The following CNTNAP4 variants were observed in gnomAD, a reference collection of about 807,000 sequenced individuals.
The protein encoded by CNTNAP4 is contactin-associated protein-like 4.
Under a neutral mutation model 148.4 loss-of-function variants are expected in CNTNAP4, and 98 were observed. That is an observed-to-expected ratio of 0.66 (90% CI 0.56 to 0.78). CNTNAP4 has a LOEUF of 0.78. Ranked by LOEUF, CNTNAP4 falls within the 30% of genes least tolerant of loss-of-function variation. CNTNAP4 has a pLI of 0.00. For synonymous variants in CNTNAP4, 730 were observed against 565.1 expected (o/e 1.29, Z -4.14); for missense variants, 1,935 against 1,565.6 (o/e 1.24, Z -3.98).
intron 14 of CNTNAP4, among the ~76,000 whole-genome samples, chr16:76,496,920 A>G (rs1195737944): frequency 3.3e-5 from 5 of 152,182 alleles, no homozygotes. Context: ...TTGAAGACTT[A>G]AAGGTAAAAA....
intron 3 of CNTNAP4, among the ~76,000 whole-genome samples, chr16:76,357,540 TCTG>T (rs1269204208): frequency 2.0e-5 from 3 of 152,214 alleles, no homozygotes; most frequent in African/African-American, 7.2e-5. Flanking sequence ...CTTTCTAGAC[TCTG>T]CTGTAATTTG....
chr16:76,547,828 GA>G (rs1394949884), intron 21 of CNTNAP4, among the ~76,000 whole-genome samples: 2 of 152,230 alleles, frequency 1.3e-5, no homozygotes, highest in Non-Finnish European at 2.9e-5. Context: ...TGTGGTCTGA[GA>G]GAAGAGGATG....
intron 15 of CNTNAP4, among the ~76,000 whole-genome samples, chr16:76,503,237 A>G (rs918844996): frequency 1.3e-5 from 2 of 152,146 alleles, no homozygotes; most frequent in Non-Finnish European, 2.9e-5. Context: ...CTCCTATTCA[A>G]TCTATTACTC....
intron 21 of CNTNAP4, among the ~76,000 whole-genome samples, chr16:76,543,051 A>G (rs1217166730): frequency 6.6e-6 from 1 of 152,220 alleles, no homozygotes; most frequent in Non-Finnish European, 1.5e-5. Flanking sequence ...GGAGATTCCT[A>G]TAGAATTAAA....
At chr16:76,369,355 C>G (rs1011276251) in intron 3 of CNTNAP4, among the ~76,000 whole-genome samples, 3 of 152,172 alleles carry the variant, frequency 2.0e-5, no homozygotes, top group Non-Finnish European at 4.4e-5. Flanking sequence ...ACAGGGTTTT[C>G]CAGAGAAATG....
intron 21 of CNTNAP4, among the ~76,000 whole-genome samples, chr16:76,546,238 A>G (rs1025483736): frequency 3.3e-5 from 5 of 152,148 alleles, no homozygotes; most frequent in African/African-American, 1.2e-4. Context: ...ACAAGGAGAT[A>G]CTGCAAGATC....
rs139153649 is a variant in CNTNAP4 at position 76,376,632 on chromosome 16, C to G, written c.390+21121C>G. On this transcript the variant is annotated intron_variant, in intron 3 of 23. Coordinates refer to ENST00000611870, the MANE Select transcript of CNTNAP4 (RefSeq NM_033401.5). Reference sequence around the variant, plus strand: ...TGGCCAAAGGGCATGAACAGGTCACCTGTGCAGACTGTGATATGGCCTTCT... The same window carrying G: ...TGGCCAAAGGGCATGAACAGGTCACGTGTGCAGACTGTGATATGGCCTTCT... Among the ~76,000 whole-genome samples the G allele has an allele frequency of 2.7e-3, 410 of 152,330 alleles. 1 individual carries two copies. The highest frequency in any genetic ancestry group is 9.5e-3 in the African/African-American group (397 of 41,584).
At chr16:76,369,677 A>G (rs1015213493) in intron 3 of CNTNAP4, among the ~76,000 whole-genome samples, 2 of 152,158 alleles carry the variant, frequency 1.3e-5, no homozygotes, top group Non-Finnish European at 2.9e-5. Context: ...CTCCATCTCT[A>G]CAGAAAACAC....
At chr16:76,442,432 GT>G (rs1438889312) in intron 4 of CNTNAP4, among the ~76,000 whole-genome samples, 3 of 152,062 alleles carry the variant, frequency 2.0e-5, no homozygotes, top group Admixed American at 6.6e-5. Flanking sequence ...ATCCTTTTAT[GT>G]TGCTATAACA....
At chr16:76,345,457 T>C (rs1229256114) in intron 2 of CNTNAP4, among the ~76,000 whole-genome samples, 1 of 152,176 alleles carries the variant, frequency 6.6e-6, no homozygotes, top group Non-Finnish European at 1.5e-5. Flanking sequence ...TCAAAAGTAT[T>C]GTGACAGAGG....
chr16:76,277,939 C>G (rs147747344), intron 1 of CNTNAP4, among the ~76,000 whole-genome samples, 192 bp downstream of exon 1: 1 of 152,190 alleles, frequency 6.6e-6, no homozygotes, highest in African/African-American at 2.4e-5. Context: ...TCAAAATAGG[C>G]AAAGTGTCAT....
In CNTNAP4 at chr16:76,497,168, T is replaced by C. The variant is rs1207828045; in HGVS notation, c.2238-1399T>C. On this transcript the variant is annotated intron_variant, in intron 14 of 23. Coordinates refer to ENST00000611870, the MANE Select transcript of CNTNAP4 (RefSeq NM_033401.5). Reference sequence around the variant, plus strand: ...GCCAGTGTTTAAATTATTTTCTTAATTAAAAAATTAAATTCACTGTTTACT... The same window carrying C: ...GCCAGTGTTTAAATTATTTTCTTAACTAAAAAATTAAATTCACTGTTTACT... Among the ~76,000 whole-genome samples, 5 of 152,182 alleles carry C rather than the reference T, an allele frequency of 3.3e-5. No individual in the cohort carries two copies. The East Asian group carries it at 5.8e-4, about 18-fold the overall frequency.
chr16:76,541,334 T>C (rs569184851), intron 21 of CNTNAP4, among the ~76,000 whole-genome samples: 1 of 152,340 alleles, frequency 6.6e-6, no homozygotes, highest in South Asian at 2.1e-4. Context: ...ATCAATTACC[T>C]TTAATTACAG....
chr16:76,358,484 G>T (rs2012992994), intron 3 of CNTNAP4, among the ~76,000 whole-genome samples: 1 of 152,192 alleles, frequency 6.6e-6, no homozygotes, highest in African/African-American at 2.4e-5. Flanking sequence ...ATTGTAAGCT[G>T]AATTTGTCAA....
chr16:76,361,997 T>A (rs1024218653), intron 3 of CNTNAP4, among the ~76,000 whole-genome samples: 2 of 151,998 alleles, frequency 1.3e-5, no homozygotes, highest in African/African-American at 2.4e-5. Context: ...GCTCAATGCT[T>A]TTGCTCATGT....
At chr16:76,429,395 A>C (rs943302629) in intron 4 of CNTNAP4, among the ~76,000 whole-genome samples, 1 of 152,074 alleles carries the variant, frequency 6.6e-6, no homozygotes, top group Non-Finnish European at 1.5e-5. Context: ...TGTCTATCAC[A>C]GTATAAAAAT....
In CNTNAP4 at chr16:76,516,862, G is replaced by A. The variant is rs1024229230; in HGVS notation, c.2366-4278G>A. 7.2e-5 allele frequency among the ~76,000 whole-genome samples: 11 copies of A among 152,236 alleles called. No individual in the cohort carries two copies. In the South Asian group the frequency reaches 2.1e-3, roughly 29 times the overall value. Reference sequence around the variant, plus strand: ...GTGGATCACCTGAGGTCAGGAGTTCGAGACCAGCCTGGCCAACATGGTGAA... The same window carrying A: ...GTGGATCACCTGAGGTCAGGAGTTCAAGACCAGCCTGGCCAACATGGTGAA... On this transcript the variant is annotated intron_variant, in intron 15 of 23. Coordinates refer to ENST00000611870, the MANE Select transcript of CNTNAP4 (RefSeq NM_033401.5).
intron 1 of CNTNAP4, chr16:76,309,788 G>T (rs1960892829): frequency 1.4e-6 from 1 of 696,960 alleles, no homozygotes; most frequent in Non-Finnish European, 2.6e-6. Context: ...TGCTATTCTC[G>T]TGATAGTGAG....
At chr16:76,364,424 C>G (rs1339224209) in intron 3 of CNTNAP4, among the ~76,000 whole-genome samples, 1 of 152,006 alleles carries the variant, frequency 6.6e-6, no homozygotes, top group Non-Finnish European at 1.5e-5. Flanking sequence ...AATTTGGTGC[C>G]TCTTCAGAGT....
Sources: gnomAD v4.1 joint callset for allele counts (sites outside exome capture counted in the v4.1 genomes callset) on GRCh38, gnomAD v4.1.1 for gene constraint, MANE v1.5 for transcripts, NCBI Gene and HGNC (gene_info 2026-07-23, HGNC 2026-07-21) for gene names.